The following REEP3 variants were observed in gnomAD, a reference collection of about 807,000 sequenced individuals.
The protein encoded by REEP3 is receptor accessory protein 3, also known as receptor expression-enhancing protein 3.
In REEP3, 20 loss-of-function variants were observed where a neutral mutation model predicts 41.3. The ratio of observed to expected loss-of-function variants is 0.48; its 90% CI spans 0.34 to 0.70. The LOEUF (loss-of-function observed/expected upper bound fraction) is 0.70. Among genes scored for constraint, REEP3 ranks in the 30% least tolerant of loss-of-function variants. The probability of loss-of-function intolerance (pLI) is 0.01; values close to 1 mark genes in which losing one functional copy is unlikely to be tolerated. For synonymous variants in REEP3, 104 were observed against 101.8 expected (o/e 1.02, Z -0.13); for missense variants, 271 against 308.8 (o/e 0.88, Z 0.92).
chr10:63,559,765 G>T (rs1955723771), intron 1 of REEP3, among the ~76,000 whole-genome samples: 1 of 152,102 alleles, frequency 6.6e-6, no homozygotes, highest in Admixed American at 6.5e-5. Context: ...TAACATTGTG[G>T]CTCTTATGAA....
intron 5 of REEP3, among the ~76,000 whole-genome samples, chr10:63,601,384 AG>A (rs1265429932): frequency 2.6e-5 from 4 of 152,308 alleles, no homozygotes; most frequent in African/African-American, 9.6e-5. Flanking sequence ...TCTTTTGTCC[AG>A]GCAGATATGC....
chr10:63,522,143 A>G (rs541364269), intron 1 of REEP3, among the ~76,000 whole-genome samples: 5 of 152,012 alleles, frequency 3.3e-5, no homozygotes, highest in African/African-American at 1.2e-4. Flanking sequence ...AGATTTGTCT[A>G]AAAACCGGAG....
At chr10:63,539,875 A>C (rs962655003) in intron 1 of REEP3, among the ~76,000 whole-genome samples, 1 of 152,178 alleles carries the variant, frequency 6.6e-6, no homozygotes, top group Non-Finnish European at 1.5e-5. Flanking sequence ...GGTTTGAAAA[A>C]CATTACACTA....
chr10:63,583,025 A>G (rs1423957595), intron 2 of REEP3, among the ~76,000 whole-genome samples: 1 of 151,860 alleles, frequency 6.6e-6, no homozygotes, highest in Non-Finnish European at 1.5e-5. Context: ...TCGCTCTGCC[A>G]CCCAGGCTGG....
At chr10:63,547,331 C>G (rs1335757862) in intron 1 of REEP3, among the ~76,000 whole-genome samples, 2 of 152,116 alleles carry the variant, frequency 1.3e-5, no homozygotes, top group Non-Finnish European at 2.9e-5. Flanking sequence ...TAAAATTAAG[C>G]ACTTCTCTTC....
chr10:63,578,915 C>G (rs1272542940), intron 2 of REEP3, among the ~76,000 whole-genome samples: 1 of 151,662 alleles, frequency 6.6e-6, no homozygotes, highest in African/African-American at 2.4e-5. Context: ...CTTTATAAAC[C>G]TAATTTTTCA....
chr10:63,582,033 A>G (rs1165074446), intron 2 of REEP3, among the ~76,000 whole-genome samples: 1 of 152,182 alleles, frequency 6.6e-6, no homozygotes, highest in Non-Finnish European at 1.5e-5. Flanking sequence ...CTCTTCGGAA[A>G]TGGCACCACC....
chr10:63,577,871 C>T (rs1489842698), intron 2 of REEP3, among the ~76,000 whole-genome samples: 9 of 152,150 alleles, frequency 5.9e-5, no homozygotes, highest in Non-Finnish European at 1.5e-5. Flanking sequence ...TCAGTTACTA[C>T]TCATCCATTT....
chr10:63,610,165 C>T, intron 5 of REEP3, 22 bp from the exon 6 acceptor site: 1 of 1,593,312 alleles, frequency 6.3e-7, no homozygotes, highest in Non-Finnish European at 8.6e-7. Flanking sequence ...TTTCTTGGAC[C>T]TATCACTTCT....
chr10:63,614,577 C>A (rs1056560679), intron 6 of REEP3, among the ~76,000 whole-genome samples: 2 of 152,182 alleles, frequency 1.3e-5, no homozygotes, highest in African/African-American at 4.8e-5. Flanking sequence ...GACTTCTTAC[C>A]TGGCAGCTGA....
At chr10:63,535,235 G>C (rs770796330) in intron 1 of REEP3, among the ~76,000 whole-genome samples, 1 of 152,004 alleles carries the variant, frequency 6.6e-6, no homozygotes, top group Non-Finnish European at 1.5e-5. Flanking sequence ...GTAGAAATGG[G>C]TTCAAATATA....
chr10:63,564,401 T>C (rs1445264580), intron 1 of REEP3, among the ~76,000 whole-genome samples: 1 of 152,120 alleles, frequency 6.6e-6, no homozygotes, highest in African/African-American at 2.4e-5. Flanking sequence ...GGCAGGCAGA[T>C]TGCTTGAGGT....
At chr10:63,565,023 C>CA (rs1734218080) in intron 1 of REEP3, among the ~76,000 whole-genome samples, 1 of 152,104 alleles carries the variant, frequency 6.6e-6, no homozygotes, top group South Asian at 2.1e-4. Context: ...TTTGGGAGGC[C>CA]AAGGCAGGTG....
intron 1 of REEP3, among the ~76,000 whole-genome samples, chr10:63,563,350 C>T (rs1335834848): frequency 6.6e-6 from 1 of 152,190 alleles, no homozygotes; most frequent in Non-Finnish European, 1.5e-5. Context: ...GCACACTTAG[C>T]TCCCAGATCT....
chr10:63,617,764 C>T (rs1956322217), intron 6 of REEP3, among the ~76,000 whole-genome samples: 1 of 128,860 alleles, frequency 7.8e-6, no homozygotes, highest in East Asian at 2.2e-4. Context: ...TTATCACATG[C>T]ACGGAATCTA....
At chr10:63,567,190 G>T (rs1955807261) in intron 2 of REEP3, among the ~76,000 whole-genome samples, 1 of 151,620 alleles carries the variant, frequency 6.6e-6, no homozygotes, top group Non-Finnish European at 1.5e-5. Context: ...CAATAACTAT[G>T]CCTCTTTTTT....
intron 1 of REEP3, among the ~76,000 whole-genome samples, chr10:63,549,141 T>C (rs1452101463): frequency 6.6e-6 from 1 of 152,214 alleles, no homozygotes; most frequent in Non-Finnish European, 1.5e-5. Context: ...TCATGGGGCA[T>C]GTTGGGCAAA....
intron 7 of REEP3, among the ~76,000 whole-genome samples, chr10:63,620,220 ACC>A (rs1956343442): frequency 6.6e-6 from 1 of 152,106 alleles, no homozygotes; most frequent in Non-Finnish European, 1.5e-5. Flanking sequence ...GGCGTGAGCC[ACC>A]TCACCTGGCC....
At position 63,576,790 on chromosome 10, in the gene REEP3, C is replaced by T. The variant is rs1955902445; in HGVS notation, c.105+10380C>T. ...TTTCCTGGCTTGTAAGGCAGCCACC[C>T]TCCCATATGTCATCACATGGTCTTT... On this transcript the variant is annotated intron_variant, in intron 2 of 7. Coordinates refer to ENST00000373758, the MANE Select transcript of REEP3 (RefSeq NM_001001330.3). Among the ~76,000 whole-genome samples the T allele has an allele frequency of 2.0e-5, 3 of 152,184 alleles. No homozygotes were observed. In the South Asian group the frequency reaches 6.2e-4, roughly 32 times the overall value.
Sources: gnomAD v4.1 joint callset for allele counts (sites outside exome capture counted in the v4.1 genomes callset) on GRCh38, gnomAD v4.1.1 for gene constraint, MANE v1.5 for transcripts, NCBI Gene and HGNC (gene_info 2026-07-23, HGNC 2026-07-21) for gene names.